DNAJC16: variants seen among roughly 807,000 people sequenced by gnomAD.
DNAJC16 encodes dnaJ homolog subfamily C member 16.
Under a neutral mutation model 92.7 loss-of-function variants are expected in DNAJC16, and 76 were observed. The ratio of observed to expected loss-of-function variants is 0.82; its 90% confidence interval spans 0.68 to 0.99. The LOEUF (loss-of-function observed/expected upper bound fraction) is 0.99, where lower values mean the gene tolerates loss of function less well. DNAJC16 is among the 50% of genes least tolerant of loss of function. The pLI is 0.00. For synonymous variants in DNAJC16, 328 were observed against 358.7 expected (o/e 0.91, Z 0.97); for missense variants, 869 against 942.4 (o/e 0.92, Z 1.02).
chr1:15,547,452 T>C (rs1638337253), intron 6 of DNAJC16, among the ~76,000 whole-genome samples: 1 of 150,436 alleles, frequency 6.6e-6, no homozygotes, highest in African/African-American at 2.5e-5. Flanking sequence ...GGCTTTTTTT[T>C]TTTTTTCGGA....
intron 4 of DNAJC16, among the ~76,000 whole-genome samples, chr1:15,537,750 A>G (rs1406032343): frequency 6.6e-6 from 1 of 152,174 alleles, no homozygotes; most frequent in East Asian, 1.9e-4. Context: ...TATTATCTCT[A>G]TTTTACAGGT....
chr1:15,549,755 A>G (rs1638399124), intron 7 of DNAJC16, among the ~76,000 whole-genome samples: 1 of 146,826 alleles, frequency 6.8e-6, no homozygotes, highest in African/African-American at 2.6e-5. Flanking sequence ...CGGAGCTTGC[A>G]GTGAGCTGAG....
chr1:15,568,599 C>G lies in DNAJC16; in HGVS notation c.*422C>G. 1 of 406,712 alleles carries G rather than the reference C, an allele frequency of 2.5e-6. No individual in the cohort carries two copies. The highest frequency in any genetic ancestry group is 4.3e-6 in the Non-Finnish European group (1 of 230,684). The allele number at this position is 406,712 out of a possible 1,614,324, so 25.2% of individuals were successfully genotyped here. A position where few individuals can be genotyped will look rare whatever the true frequency, so the allele number is the denominator to read the frequency against. On this transcript the variant is annotated 3_prime_UTR_variant, in exon 15 of 15. Transcript: ENST00000375847. Reference sequence around the variant, plus strand: ...ATTGGCCCCTTCCCCAATCCCGGCCCTGCTGTGCTGCTGCCATGGCGCATG... The same window carrying G: ...ATTGGCCCCTTCCCCAATCCCGGCCGTGCTGTGCTGCTGCCATGGCGCATG...
At chr1:15,555,218 T>A (rs1457071886) in intron 7 of DNAJC16, among the ~76,000 whole-genome samples, 3 of 137,250 alleles carry the variant, frequency 2.2e-5, no homozygotes, top group Admixed American at 7.3e-5. Context: ...TCTACTAAAA[T>A]ACAAAAAAAA....
Position 15,568,821 on chromosome 1 carries a change from CAAGAA to C in DNAJC16, c.*648_*652del, listed in dbSNP as rs1288595449. The C allele has an allele frequency of 1.8e-5, 7 of 397,746 alleles. No homozygotes were observed. Among genetic ancestry groups the C allele is most frequent in the Non-Finnish European group, 3.1e-5 (7 of 225,878 alleles). 24.6% of individuals were successfully genotyped at this position (397,746 alleles called of 1,614,324 possible). On this transcript the variant is annotated 3_prime_UTR_variant, in exon 15 of 15. Coordinates refer to ENST00000375847, the MANE Select transcript of DNAJC16 (RefSeq NM_015291.4). ...AACGGGAGTTCTGCATGTGAGTTCT[CAAGAA>C]AAGGAAAGGGAGGCTGAGCAGTGGC...
intron 4 of DNAJC16, among the ~76,000 whole-genome samples, chr1:15,541,478 A>G (rs1710930426): frequency 6.6e-6 from 1 of 152,156 alleles, no homozygotes; most frequent in Non-Finnish European, 1.5e-5. Context: ...CTCTCTCTGT[A>G]TCTGTAAAAT....
At chr1:15,561,555 C>A (rs1044100962) in intron 8 of DNAJC16, among the ~76,000 whole-genome samples, 2 of 152,036 alleles carry the variant, frequency 1.3e-5, no homozygotes, top group African/African-American at 4.8e-5. Flanking sequence ...TGAGGTGGTG[C>A]ACGCCTATAA....
rs997567917 is a variant in DNAJC16, at chr1:15,562,233, A to G, written c.1246A>G (p.Thr416Ala). ...CTTTGCCCTGGCAAACACTCAAGACACAGTGAGATTTGTGCATGTCTACAG... is the reference window on the plus strand; with the variant it reads ...CTTTGCCCTGGCAAACACTCAAGACGCAGTGAGATTTGTGCATGTCTACAG... ...LSFALANTQD[T>A]VRFVHVYSNR... Residue 416 changes from threonine (T) to alanine (A), a missense_variant, in exon 9 of 15, where the codon ACA becomes GCA. Thr to Ala is a moderately conservative substitution (Grantham distance 58, BLOSUM62 0). Coordinates refer to ENST00000375847, the MANE Select transcript of DNAJC16 (RefSeq NM_015291.4). 6.2e-7 allele frequency: 1 copy of G among 1,614,168 alleles called. No homozygotes were observed. The highest frequency in any genetic ancestry group is 8.5e-7 in the Non-Finnish European group (1 of 1,180,004).
chr1:15,531,960 C>G (rs1286900545), intron 2 of DNAJC16, among the ~76,000 whole-genome samples: 3 of 152,170 alleles, frequency 2.0e-5, no homozygotes, highest in Admixed American at 6.5e-5. Context: ...CTGGAGCCTT[C>G]CTCTGATACA....
rs1638899415 is a variant in DNAJC16 at position 15,569,551 on chromosome 1, C to G, written c.*1374C>G. The G allele has an allele frequency of 6.6e-6, 1 of 151,888 alleles. No individual in the cohort carries two copies. Among genetic ancestry groups the G allele is most frequent in the Non-Finnish European group, 1.5e-5 (1 of 68,026 alleles). 9.4% of individuals were successfully genotyped at this position (151,888 alleles called of 1,614,324 possible). A position where few individuals can be genotyped will look rare whatever the true frequency, so the allele number is the denominator to read the frequency against. On this transcript the variant is annotated 3_prime_UTR_variant, in exon 15 of 15. Coordinates refer to ENST00000375847, the MANE Select transcript of DNAJC16 (RefSeq NM_015291.4). ...AGTTTGGACAGCTTCAAAGAGTGGT[C>G]CGTTCAAATGTCAAAGCAAGGTGCC...
At chr1:15,546,637 ATTAG>A in intron 5 of DNAJC16, 126 bp from the exon 6 acceptor site, 2 of 665,116 alleles carry the variant, frequency 3.0e-6, no homozygotes, top group Admixed American at 6.5e-5. Context: ...AGACAAAAAG[ATTAG>A]TTATCTGCAT....
At chr1:15,528,290 T>C (rs894985103) in intron 1 of DNAJC16, among the ~76,000 whole-genome samples, 1 of 152,094 alleles carries the variant, frequency 6.6e-6, no homozygotes, top group African/African-American at 2.4e-5. Context: ...AAAAATTAGC[T>C]AGGCAGGGTG....
intron 6 of DNAJC16, among the ~76,000 whole-genome samples, chr1:15,547,344 C>T (rs1570913191): frequency 6.6e-6 from 1 of 151,910 alleles, no homozygotes; most frequent in East Asian, 1.9e-4. Flanking sequence ...GACAGGGTTT[C>T]ACCATGTTGG....
Position 15,544,469 on chromosome 1 carries a change from G to T in DNAJC16, c.645G>T (p.Thr215=). ...CCCATCACCTAGGGGCACACAGCAC[G>T]CCCTCTATCCTAGGAATCATTAACG... The part of the protein sequence containing the change: ...RLAHHLGAHS[T]PSILGIINGK... The change falls in exon 5 of 15, where the codon ACG becomes ACT. Residue 215 remains threonine (T), a synonymous_variant. Transcript: ENST00000375847. 1 of 1,614,034 alleles carries T rather than the reference G, an allele frequency of 6.2e-7. No homozygotes were observed.
intron 4 of DNAJC16, among the ~76,000 whole-genome samples, chr1:15,542,689 G>T (rs1489178978): frequency 6.6e-6 from 1 of 152,212 alleles, no homozygotes; most frequent in Admixed American, 6.5e-5. Flanking sequence ...CCCTTCACCT[G>T]CAGGACCTGA....
rs775636735 is a variant in DNAJC16, at chr1:15,566,120, A to G, written c.1718A>G (p.Lys573Arg). Reference protein sequence around the residue: ...NDERESSPPEKEEAQEKTGKT... With the variant: ...NDERESSPPEREEAQEKTGKT... ...GAGCGAGAGTCAAGCCCTCCAGAAAAAGAGGAAGCCCAAGAGAAGACTGGG... is the reference window on the plus strand; with the variant it reads ...GAGCGAGAGTCAAGCCCTCCAGAAAGAGAGGAAGCCCAAGAGAAGACTGGG... The change falls in exon 13 of 15, where the codon AAA (lysine) becomes AGA (arginine). Residue 573 changes from lysine (K) to arginine (R), a missense_variant. Transcript: ENST00000375847. 1 of 1,614,000 alleles carries G rather than the reference A, an allele frequency of 6.2e-7. No homozygotes were observed.
chr1:15,545,847 C>T (rs538533878), intron 5 of DNAJC16, among the ~76,000 whole-genome samples: 10 of 152,040 alleles, frequency 6.6e-5, no homozygotes, highest in South Asian at 2.1e-4. Context: ...CTTTTTTTAA[C>T]GACTAAGAAA....
rs1638883975 is a variant in DNAJC16, at chr1:15,568,971, T to A, written c.*794T>A. ...CTGTGATGACTTTGAGCCGTTGACA[T>A]GTATGTCTTCAGATGCCTTTCTGCC... On this transcript the variant is annotated 3_prime_UTR_variant, in exon 15 of 15. Transcript: ENST00000375847. The A allele has an allele frequency of 2.9e-6, 1 of 344,884 alleles. No individual in the cohort carries two copies. The highest frequency in any genetic ancestry group is 1.5e-4 in the South Asian group (1 of 6,516). The allele number at this position is 344,884 out of a possible 1,614,324, so 21.4% of individuals were successfully genotyped here.
rs1638854599 is a variant in DNAJC16 at position 15,567,833 on chromosome 1, GAATA to G, written c.2006_2009del (p.Glu669AlafsTer3). On this transcript the variant is annotated frameshift_variant, in exon 15 of 15. Transcript: ENST00000375847. LOFTEE classifies it high-confidence loss of function. The stretch of plus-strand genomic sequence containing the variant: ...TCTAGATAAACACAGAGAATGGCTA[GAATA>G]CTTACTAGAATTTGCTCAAGATGCA... The G allele has an allele frequency of 6.8e-6, 11 of 1,614,012 alleles. No individual in the cohort carries two copies. The highest frequency in any genetic ancestry group is 1.3e-5 in the African/African-American group (1 of 74,934).
Sources: gnomAD v4.1 joint callset for allele counts (sites outside exome capture counted in the v4.1 genomes callset) on GRCh38, gnomAD v4.1.1 for gene constraint, MANE v1.5 for transcripts, NCBI Gene and HGNC (gene_info 2026-07-23, HGNC 2026-07-21) for gene names.